The following ATP8A2 variants were observed in gnomAD, a reference collection of about 807,000 sequenced individuals.
The protein encoded by ATP8A2 is phospholipid-transporting ATPase IB.
A neutral mutation model predicts 165.6 loss-of-function variants in ATP8A2; 100 were observed. The ratio of observed to expected loss-of-function variants is 0.60; its 90% CI spans 0.51 to 0.71. The LOEUF (loss-of-function observed/expected upper bound fraction) is 0.71. Ranked by LOEUF, ATP8A2 falls within the 30% of genes least tolerant of loss-of-function variation. The pLI is 0.00. For synonymous variants in ATP8A2, 543 were observed against 548.8 expected (o/e 0.99, Z 0.15); for missense variants, 1,227 against 1,479.5 (o/e 0.83, Z 2.80).
intron 24 of ATP8A2, among the ~76,000 whole-genome samples, chr13:25,629,904 C>G (rs918366980): frequency 6.6e-6 from 1 of 151,842 alleles, no homozygotes; most frequent in African/African-American, 2.4e-5. Context: ...TATAATATTG[C>G]AGTTCATATG....
chr13:25,909,066 T>C (rs1172726361), intron 33 of ATP8A2, among the ~76,000 whole-genome samples: 1 of 152,212 alleles, frequency 6.6e-6, no homozygotes, highest in Non-Finnish European at 1.5e-5. Flanking sequence ...AATATCTACA[T>C]ATTAAATCTT....
At chr13:25,570,926 G>A (rs1239611033) in intron 17 of ATP8A2, 54 bp downstream of exon 17, 1 of 1,307,960 alleles carries the variant, frequency 7.6e-7, no homozygotes, top group Non-Finnish European at 1.1e-6. Context: ...ACACCTGGGT[G>A]TTGCAGTTAT....
chr13:25,667,886 A>G (rs1044605926), intron 24 of ATP8A2, among the ~76,000 whole-genome samples: 1 of 151,986 alleles, frequency 6.6e-6, no homozygotes, highest in South Asian at 2.1e-4. Flanking sequence ...TTGCAAGTTT[A>G]TAGCATTCTA....
chr13:25,924,769 G>A (rs141197080), intron 33 of ATP8A2, among the ~76,000 whole-genome samples: 54 of 152,246 alleles, frequency 3.5e-4, no homozygotes, highest in African/African-American at 1.2e-3. Flanking sequence ...GGGAGGACCC[G>A]GTGGGAGGTA....
intron 30 of ATP8A2, 31 bp from the exon 31 acceptor site, chr13:25,860,164 G>C (rs775642016): frequency 2.0e-6 from 3 of 1,528,176 alleles, no homozygotes; most frequent in Non-Finnish European, 2.7e-6. Flanking sequence ...TCAGCTTCTT[G>C]GATGTTAATA....
intron 24 of ATP8A2, among the ~76,000 whole-genome samples, chr13:25,662,764 C>G (rs1267068910): frequency 6.6e-6 from 1 of 152,152 alleles, no homozygotes; most frequent in Non-Finnish European, 1.5e-5. Flanking sequence ...TGGATCTGAG[C>G]ACCTGAAAGG....
rs2039056661 is a variant in ATP8A2, at chr13:25,558,771, A to G, written c.1264-202A>G. 5.3e-5 allele frequency among the ~76,000 whole-genome samples: 8 copies of G among 152,330 alleles called. No individual in the cohort carries two copies. In the South Asian group the frequency reaches 1.7e-3, roughly 32 times the overall value. On this transcript the variant is annotated intron_variant, in intron 13 of 36. Transcript: ENST00000381655. ...CCTCTGCATATTTCGGTACACTTTG[A>G]TTATATAATTAGTTATGGAAGAAGG...
At chr13:25,962,549 G>A (rs997356481) in intron 34 of ATP8A2, among the ~76,000 whole-genome samples, 5 of 152,142 alleles carry the variant, frequency 3.3e-5, no homozygotes, top group Non-Finnish European at 7.4e-5. Context: ...TGAGCAAAAG[G>A]AGGGCTGCTC....
intron 25 of ATP8A2, among the ~76,000 whole-genome samples, chr13:25,748,847 A>G (rs1340852402): frequency 1.3e-5 from 2 of 152,150 alleles, no homozygotes; most frequent in African/African-American, 4.8e-5. Flanking sequence ...AGCATTTTCA[A>G]AATGTTTTTT....
At position 25,953,341 on chromosome 13, in the gene ATP8A2, G is replaced by C. The variant is rs537912304; in HGVS notation, c.3184-8234G>C. ...ATTTTCTTCTGTAAAATGGGGACGG[G>C]GGGGATTAAATAAAATGCTTTATGG... On this transcript the variant is annotated intron_variant, in intron 33 of 36. Transcript: ENST00000381655. This position sits in a 1 kb window ranked among gnomAD's most constrained non-coding sequence, Gnocchi z 6.7. Among the ~76,000 whole-genome samples the C allele has an allele frequency of 1.6e-4, 24 of 152,044 alleles. No individual in the cohort carries two copies. The highest frequency in any genetic ancestry group is 5.1e-4 in the African/African-American group (21 of 41,482).
At chr13:25,636,380 G>A (rs140992750) in intron 24 of ATP8A2, among the ~76,000 whole-genome samples, 479 of 152,238 alleles carry the variant, frequency 3.1e-3, no homozygotes, top group African/African-American at 0.01. Flanking sequence ...TTTTAGTTAA[G>A]TGTTTTATAT....
chr13:25,728,137 A>G (rs1235585593), intron 25 of ATP8A2, among the ~76,000 whole-genome samples: 2 of 152,200 alleles, frequency 1.3e-5, no homozygotes, highest in Non-Finnish European at 2.9e-5. Flanking sequence ...ACCGGTTTTT[A>G]TAGTCTTTAT....
intron 33 of ATP8A2, among the ~76,000 whole-genome samples, chr13:25,901,733 C>T: frequency 6.6e-6 from 1 of 152,206 alleles, no homozygotes; most frequent in East Asian, 1.9e-4. Context: ...AGAGTTCACT[C>T]TAGATCGTAT....
chr13:25,486,559 A>C (rs530210302), intron 2 of ATP8A2, among the ~76,000 whole-genome samples: 1 of 152,336 alleles, frequency 6.6e-6, no homozygotes, highest in South Asian at 2.1e-4. Flanking sequence ...GAGTCTGAAT[A>C]TGTAGCCCTT....
intron 2 of ATP8A2, among the ~76,000 whole-genome samples, chr13:25,521,172 A>G (rs1593452298): frequency 6.6e-6 from 1 of 152,136 alleles, no homozygotes; most frequent in South Asian, 2.1e-4. Flanking sequence ...TGAAATGTCT[A>G]TTCAGATCTT....
chr13:25,755,636 G>A (rs1265795714), intron 25 of ATP8A2, among the ~76,000 whole-genome samples: 1 of 152,194 alleles, frequency 6.6e-6, no homozygotes, highest in African/African-American at 2.4e-5. Flanking sequence ...GCCGAGCACG[G>A]TGGCTCATGC....
At chr13:25,570,987 T>C in intron 17 of ATP8A2, 115 bp downstream of exon 17, 1 of 732,302 alleles carries the variant, frequency 1.4e-6, no homozygotes, top group Non-Finnish European at 2.2e-6. Context: ...CTGTCTGCTG[T>C]TGGCCTCACC....
intron 33 of ATP8A2, among the ~76,000 whole-genome samples, chr13:25,947,209 G>C (rs1955235996): frequency 6.6e-6 from 1 of 152,190 alleles, no homozygotes; most frequent in Non-Finnish European, 1.5e-5. Context: ...AGCATTTTCA[G>C]GGGTATTCTG....
At chr13:25,921,781 T>C (rs1225334063) in intron 33 of ATP8A2, among the ~76,000 whole-genome samples, 1 of 152,242 alleles carries the variant, frequency 6.6e-6, no homozygotes, top group African/African-American at 2.4e-5. Context: ...AACCGTATAA[T>C]ATTTATGGTT....
Sources: allele counts gnomAD v4.1 joint callset (sites outside exome capture counted in the v4.1 genomes callset), GRCh38; gene constraint gnomAD v4.1.1; non-coding constraint Gnocchi (gnomAD v3.1); transcripts MANE v1.5; gene names NCBI Gene and HGNC (gene_info 2026-07-23, HGNC 2026-07-21).